Variants in ABCA10 observed in about 807,000 individuals in gnomAD.
ABCA10 encodes ATP binding cassette subfamily A member 10.
ABCA10 carries 169 observed loss-of-function variants against 187.5 expected under a neutral mutation model. The ratio of observed to expected loss-of-function variants is 0.90; its 90% CI spans 0.80 to 1.02. The LOEUF (loss-of-function observed/expected upper bound fraction) is 1.02. Ranked by LOEUF, ABCA10 falls within the 50% of genes least tolerant of loss-of-function variation. The pLI, the probability that ABCA10 is intolerant of heterozygous loss-of-function variation, is 0.00. For missense variants in ABCA10, 1,727 were observed against 1,812.4 expected, an observed-to-expected ratio of 0.95 and a Z score of 0.86; for synonymous variants, 574 against 601.8, an observed-to-expected ratio of 0.95 and a Z score of 0.68.
intron 1 of ABCA10, among the ~76,000 whole-genome samples, chr17:69,237,205 T>C (rs987227058): frequency 1.3e-5 from 2 of 152,194 alleles, no homozygotes; most frequent in African/African-American, 2.4e-5. Flanking sequence ...TTTTGGAATT[T>C]ATTGGCAGAG....
Position 69,216,257 on chromosome 17 carries a change from A to G in ABCA10, c.632T>C (p.Met211Thr). Residue 211 changes from methionine to threonine, a missense_variant, in exon 7 of 39, where the codon ATG (methionine) becomes ACG (threonine). Transcript: ENST00000690296. ...SIPIVFHTGF[M>T]VIFTLYSLYG... ...TAAGCTATAGAGTGTGAATATCACCATGAAGCCAGTATGAAATACAATTGG... is the reference window on the plus strand; with the variant it reads ...TAAGCTATAGAGTGTGAATATCACCGTGAAGCCAGTATGAAATACAATTGG... 1.2e-6 allele frequency: 2 copies of G among 1,613,768 alleles called. No individual in the cohort carries two copies. Among genetic ancestry groups the G allele is most frequent in the Non-Finnish European group, 1.7e-6 (2 of 1,179,826 alleles).
At chr17:69,160,193 C>A (rs2074204756) in intron 27 of ABCA10, among the ~76,000 whole-genome samples, 1 of 152,108 alleles carries the variant, frequency 6.6e-6, no homozygotes, top group African/African-American at 2.4e-5. Flanking sequence ...GAAAAGATAA[C>A]CTACAGAATA....
At chr17:69,211,252 C>T (rs937369036) in intron 9 of ABCA10, among the ~76,000 whole-genome samples, 3 of 145,770 alleles carry the variant, frequency 2.1e-5, no homozygotes, top group Non-Finnish European at 4.5e-5. Flanking sequence ...TATTTCATTC[C>T]TTTTTAATGG....
At chr17:69,219,485 C>T in intron 6 of ABCA10, 60 bp downstream of exon 6, 3 of 1,251,462 alleles carry the variant, frequency 2.4e-6, no homozygotes, top group Non-Finnish European at 3.2e-6. Flanking sequence ...TTTTTAAGAA[C>T]CTAGTTAGTT....
At chr17:69,161,265 A>G (rs2074215933) in intron 27 of ABCA10, among the ~76,000 whole-genome samples, 1 of 152,184 alleles carries the variant, frequency 6.6e-6, no homozygotes, top group South Asian at 2.1e-4. Context: ...GGAAAAGGGA[A>G]ATTGTTTAAT....
chr17:69,210,126 C>G (rs1166063111), intron 9 of ABCA10, among the ~76,000 whole-genome samples: 1 of 136,944 alleles, frequency 7.3e-6, no homozygotes, highest in East Asian at 2.1e-4. Flanking sequence ...TTTGAGGGAA[C>G]AGGTGATGTT....
chr17:69,235,620 G>A (rs2074863711), intron 1 of ABCA10, among the ~76,000 whole-genome samples: 1 of 151,958 alleles, frequency 6.6e-6, no homozygotes, highest in South Asian at 2.1e-4. Context: ...GGACCAGAAA[G>A]GTATCCCTTT....
chr17:69,206,497 G>C (rs561337372), intron 9 of ABCA10, among the ~76,000 whole-genome samples: 2 of 152,194 alleles, frequency 1.3e-5, no homozygotes, highest in African/African-American at 4.8e-5. Flanking sequence ...CATTGAAGAG[G>C]GCAGAAAGGA....
intron 27 of ABCA10, among the ~76,000 whole-genome samples, chr17:69,157,233 G>C (rs12103556): frequency 0.17 from 25,461 of 152,078 alleles, 3,897 homozygotes; most frequent in African/African-American, 0.4. Flanking sequence ...ACAGGAGATA[G>C]GTTTAGCCCC....
At chr17:69,190,313 TTCTC>T in intron 18 of ABCA10, 41 bp downstream of exon 18, 1 of 1,509,860 alleles carries the variant, frequency 6.6e-7, no homozygotes, top group Non-Finnish European at 8.8e-7. Context: ...TCTTTTTCTC[TTCTC>T]TTTTTTTTCT....
intron 10 of ABCA10, among the ~76,000 whole-genome samples, chr17:69,198,934 T>G (rs1159416482): frequency 6.6e-6 from 1 of 152,196 alleles, no homozygotes; most frequent in Non-Finnish European, 1.5e-5. Context: ...TAGCCTAATC[T>G]CCTTACCTTG....
chr17:69,201,374 T>A, intron 10 of ABCA10, 126 bp downstream of exon 10: 1 of 890,788 alleles, frequency 1.1e-6, no homozygotes, highest in Non-Finnish European at 1.6e-6. Flanking sequence ...ATGAGAGGAA[T>A]TTAGGATGAT....
chr17:69,199,101 T>A (rs2074525610), intron 10 of ABCA10, among the ~76,000 whole-genome samples: 1 of 152,218 alleles, frequency 6.6e-6, no homozygotes, highest in Non-Finnish European at 1.5e-5. Context: ...ATATCCCCTG[T>A]GTGGAAGGAC....
intron 25 of ABCA10, among the ~76,000 whole-genome samples, chr17:69,172,875 GAAC>G (rs2074308094): frequency 6.6e-6 from 1 of 151,902 alleles, no homozygotes; most frequent in African/African-American, 2.4e-5. Context: ...TAAAGCATAA[GAAC>G]AATAAAAGTT....
intron 27 of ABCA10, 68 bp downstream of exon 27, chr17:69,164,006 T>A: frequency 7.8e-7 from 1 of 1,289,446 alleles, no homozygotes; most frequent in South Asian, 1.6e-5. Flanking sequence ...TTGGCATACC[T>A]TGAATAAGAT....
chr17:69,153,244 A>G, intron 34 of ABCA10, 61 bp downstream of exon 34: 1 of 1,526,394 alleles, frequency 6.6e-7, no homozygotes, highest in Non-Finnish European at 8.8e-7. Flanking sequence ...AAACAAAAAC[A>G]AAAACAAAAT....
rs551329823 is a variant in ABCA10, at chr17:69,195,714, G to T, written c.1235-1219C>A. Among the ~76,000 whole-genome samples, 17 of 151,944 alleles carry T rather than the reference G, an allele frequency of 1.1e-4. 1 individual carries two copies. In the East Asian group the frequency reaches 3.1e-3, roughly 28 times the overall value. On this transcript the variant is annotated intron_variant, in intron 11 of 38. Coordinates refer to ENST00000690296, the MANE Select transcript of ABCA10 (RefSeq NM_001377321.1). ...TAGGCAGAGGACCCTGCGGTCTTCC[G>T]CAGTGTTTGTGTCCCTGGGTACTTG...
intron 1 of ABCA10, chr17:69,234,752 T>C (rs2074855099): frequency 1.3e-5 from 2 of 152,212 alleles, no homozygotes; most frequent in South Asian, 4.1e-4. Flanking sequence ...CAATGAATTT[T>C]TTGCTCTACA....
chr17:69,195,554 C>CTTTTTTTTTT (rs59069489), intron 11 of ABCA10, among the ~76,000 whole-genome samples: 8 of 102,974 alleles, frequency 7.8e-5, no homozygotes, highest in East Asian at 2.6e-4. Flanking sequence ...TGAAGTTTTT[C>CTTTTTTTTTT]TTTTTTTTTT....
Sources: allele counts gnomAD v4.1 joint callset (sites outside exome capture counted in the v4.1 genomes callset), GRCh38; gene constraint gnomAD v4.1.1; transcripts MANE v1.5; gene names NCBI Gene and HGNC (gene_info 2026-07-23, HGNC 2026-07-21).